The following ANGPT2 variants were observed in gnomAD, a reference collection of about 807,000 sequenced individuals.
The protein encoded by ANGPT2 is angiopoietin 2.
Under a neutral mutation model 62.9 loss-of-function variants are expected in ANGPT2, and 28 were observed. The observed-to-expected ratio is 0.44, with a 90% CI of 0.33 to 0.61. ANGPT2 has a LOEUF of 0.61. Among genes scored for constraint, ANGPT2 ranks in the 20% least tolerant of loss-of-function variants. The pLI, the probability that ANGPT2 is intolerant of heterozygous loss-of-function variation, is 0.03. For synonymous variants in ANGPT2, 284 were observed against 207.8 expected (o/e 1.37, Z -3.15); for missense variants, 727 against 594.9 (o/e 1.22, Z -2.31).
chr8:6,515,272 A>G (rs1816032317), intron 5 of ANGPT2, among the ~76,000 whole-genome samples: 1 of 151,706 alleles, frequency 6.6e-6, no homozygotes, highest in Non-Finnish European at 1.5e-5. Context: ...GGTTTGGAGG[A>G]CTCCTGTTAC....
chr8:6,514,384 T>C (rs2129567746), intron 6 of ANGPT2, among the ~76,000 whole-genome samples: 1 of 152,188 alleles, frequency 6.6e-6, no homozygotes, highest in South Asian at 2.1e-4. Context: ...GATACAGAGT[T>C]TTGTTATGTT....
intron 2 of ANGPT2, among the ~76,000 whole-genome samples, chr8:6,529,987 C>A (rs867484835): frequency 2.0e-5 from 3 of 151,900 alleles, no homozygotes; most frequent in Non-Finnish European, 2.9e-5. Context: ...TGTCCTAACA[C>A]TTTTTCATTA....
At chr8:6,504,545 T>C (rs966390700) in intron 8 of ANGPT2, among the ~76,000 whole-genome samples, 3 of 152,148 alleles carry the variant, frequency 2.0e-5, no homozygotes, top group Non-Finnish European at 4.4e-5. Flanking sequence ...TAACGCTTAT[T>C]TGACTTAATA....
At chr8:6,508,794 C>T in intron 8 of ANGPT2, 138 bp downstream of exon 8, 8 of 1,204,228 alleles carry the variant, frequency 6.6e-6, no homozygotes, top group Non-Finnish European at 9.7e-6. Flanking sequence ...ACACATTTAC[C>T]TATATCAAGC....
At chr8:6,535,749 AT>A (rs1406411685) in intron 1 of ANGPT2, among the ~76,000 whole-genome samples, 1 of 152,162 alleles carries the variant, frequency 6.6e-6, no homozygotes, top group African/African-American at 2.4e-5. Context: ...TTTTGTGTTG[AT>A]TTAAAAAGAT....
At chr8:6,526,588 A>G (rs1208269801) in intron 3 of ANGPT2, among the ~76,000 whole-genome samples, 1 of 152,252 alleles carries the variant, frequency 6.6e-6, no homozygotes, top group Non-Finnish European at 1.5e-5. Context: ...TCAAAACCCT[A>G]AATCAATAAT....
At position 6,499,783 on chromosome 8, in the gene ANGPT2, T is replaced by G; in HGVS notation, c.*3318A>C. ...ATCACTTTTTGCTGTGTCTTCAAAG[T>G]GATTCTTGGTTTATTGCCTGCTAAG... On this transcript the variant is annotated 3_prime_UTR_variant, in exon 9 of 9. Transcript: ENST00000629816. 3 of 1,399,980 alleles carry G rather than the reference T, an allele frequency of 2.1e-6. No homozygotes were observed. The highest frequency in any genetic ancestry group is 3.0e-6 in the Non-Finnish European group (3 of 987,470). 86.7% of individuals were successfully genotyped at this position (1,399,980 alleles called of 1,614,324 possible). A position where few individuals can be genotyped will look rare whatever the true frequency, so the allele number is the denominator to read the frequency against.
chr8:6,556,619 A>AT (rs149416791), intron 1 of ANGPT2, among the ~76,000 whole-genome samples: 60 of 149,836 alleles, frequency 4.0e-4, no homozygotes, highest in South Asian at 2.1e-3. Context: ...GTCTTTTTTT[A>AT]TTTTTTTTTC....
intron 1 of ANGPT2, among the ~76,000 whole-genome samples, chr8:6,547,792 C>T (rs764960390): frequency 1.3e-5 from 2 of 151,948 alleles, no homozygotes; most frequent in Admixed American, 6.6e-5. Context: ...GGTGGGAATG[C>T]GGGGCCAGGG....
intron 1 of ANGPT2, among the ~76,000 whole-genome samples, chr8:6,541,186 G>A (rs1026739139): frequency 6.6e-6 from 1 of 152,218 alleles, no homozygotes; most frequent in African/African-American, 2.4e-5. Flanking sequence ...CAGCACAAGA[G>A]GGTGAATTCT....
intron 5 of ANGPT2, 76 bp from the exon 6 acceptor site, chr8:6,514,854 T>C (rs1815939914): frequency 7.7e-7 from 1 of 1,302,590 alleles, no homozygotes; most frequent in African/African-American, 1.5e-5. Context: ...AGGAGGAATG[T>C]AGACCCTGAG....
intron 7 of ANGPT2, among the ~76,000 whole-genome samples, chr8:6,511,399 C>G (rs1276680280): frequency 6.6e-6 from 1 of 151,978 alleles, no homozygotes; most frequent in Non-Finnish European, 1.5e-5. Context: ...ATAAAACTGC[C>G]AGAATGTGTG....
At chr8:6,535,978 G>T (rs368317464) in intron 1 of ANGPT2, among the ~76,000 whole-genome samples, 107 of 152,180 alleles carry the variant, frequency 7.0e-4, no homozygotes, top group African/African-American at 2.5e-3. Context: ...GACTGCTTGA[G>T]CCCAGGAGAG....
intron 1 of ANGPT2, among the ~76,000 whole-genome samples, chr8:6,534,908 C>T (rs1242597320): frequency 6.6e-5 from 10 of 152,154 alleles, no homozygotes; most frequent in Admixed American, 5.2e-4. Flanking sequence ...CTCCGCTCAT[C>T]GCCATGGGAG....
chr8:6,536,407 G>C (rs914829991), intron 1 of ANGPT2, among the ~76,000 whole-genome samples: 1 of 75,212 alleles, frequency 1.3e-5, no homozygotes, highest in Admixed American at 1.3e-4. Context: ...AGCCTTTTAA[G>C]AGCCAAAGTG....
chr8:6,503,645 G>A (rs2129563590), intron 8 of ANGPT2, among the ~76,000 whole-genome samples: 1 of 152,298 alleles, frequency 6.6e-6, no homozygotes, highest in East Asian at 1.9e-4. Context: ...CCAGCAACAT[G>A]GTGGGCTGGA....
intron 2 of ANGPT2, among the ~76,000 whole-genome samples, chr8:6,530,802 C>A (rs538494344): frequency 1.3e-5 from 2 of 152,274 alleles, no homozygotes; most frequent in South Asian, 4.1e-4. Context: ...TTTTCTCTGA[C>A]CTCATCCAAC....
Position 6,499,917 on chromosome 8 carries a change from C to A in ANGPT2, c.*3184G>T, listed in dbSNP as rs200049022. 3.8e-4 allele frequency: 618 copies of A among 1,613,554 alleles called. 2 individuals carry two copies. Among genetic ancestry groups the A allele is most frequent in the Non-Finnish European group, 3.3e-4 (385 of 1,179,802 alleles). ...AGCCGTTCGAACTGTCTCACCACTT[C>A]CCTGCAGCTCCCGTAAGTCAGATGT... On this transcript the variant is annotated 3_prime_UTR_variant, in exon 9 of 9. Transcript: ENST00000629816.
At chr8:6,543,010 T>TTGGGAATGCTGA (rs1293201320) in intron 1 of ANGPT2, among the ~76,000 whole-genome samples, 1 of 152,152 alleles carries the variant, frequency 6.6e-6, no homozygotes, top group Non-Finnish European at 1.5e-5. Context: ...AGGAGCGGAC[T>TTGGGAATGCTGA]TGGGAATGCT....
Sources: allele counts gnomAD v4.1 joint callset (sites outside exome capture counted in the v4.1 genomes callset), GRCh38; gene constraint gnomAD v4.1.1; transcripts MANE v1.5; gene names NCBI Gene and HGNC (gene_info 2026-07-23, HGNC 2026-07-21).